AHI1: variants seen among roughly 807,000 people sequenced by gnomAD.
AHI1 encodes the protein Abelson helper integration site 1.
Under a neutral mutation model 149.3 loss-of-function variants are expected in AHI1, and 123 were observed. The observed-to-expected ratio is 0.82, with a 90% confidence interval of 0.71 to 0.96. The LOEUF (loss-of-function observed/expected upper bound fraction) is 0.96, where lower values mean the gene tolerates loss of function less well. AHI1 is among the 40% of genes least tolerant of loss of function. AHI1 has a pLI of 0.00. For synonymous variants in AHI1, 475 were observed against 459.8 expected (o/e 1.03, Z -0.42); for missense variants, 1,439 against 1,422.7 (o/e 1.01, Z -0.18).
intron 23 of AHI1, among the ~76,000 whole-genome samples, chr6:135,389,307 TAAAAAAAAAAAA>T (rs773530746): frequency 1.0e-5 from 1 of 96,916 alleles, no homozygotes; most frequent in African/African-American, 3.9e-5. Flanking sequence ...AGACTCTGTC[TAAAAAAAAAAAA>T]AAAAAAAAAA....
rs369310904 is a variant in AHI1 at position 135,419,661 on chromosome 6, A to G, written c.2764+7506T>C. 7.9e-5 allele frequency among the ~76,000 whole-genome samples: 12 copies of G among 152,204 alleles called. 1 individual carries two copies. The highest frequency in any genetic ancestry group is 1.9e-4 in the East Asian group (1 of 5,142). On this transcript the variant is annotated intron_variant, in intron 20 of 28. Transcript: ENST00000265602. Reference sequence around the variant, plus strand: ...CAATCATCTATGTCTTCAGTTAATCATAATCTTTTTGCTGATGGAAGGTCT... The same window carrying G: ...CAATCATCTATGTCTTCAGTTAATCGTAATCTTTTTGCTGATGGAAGGTCT...
chr6:135,386,931 T>C (rs543570939), intron 23 of AHI1, among the ~76,000 whole-genome samples: 11 of 151,674 alleles, frequency 7.3e-5, no homozygotes, highest in African/African-American at 2.2e-4. Flanking sequence ...CTGGCCTTTT[T>C]TCTTTTTTCT....
chr6:135,473,798 G>A (rs1792146850), intron 5 of AHI1, among the ~76,000 whole-genome samples: 1 of 152,052 alleles, frequency 6.6e-6, no homozygotes. Flanking sequence ...TACTGGTATA[G>A]AAATACAATT....
intron 24 of AHI1, among the ~76,000 whole-genome samples, chr6:135,325,056 T>C (rs1787444068): frequency 6.6e-6 from 1 of 150,552 alleles, no homozygotes. Context: ...AGATGGAGTC[T>C]GGCTCTGTCG....
intron 21 of AHI1, among the ~76,000 whole-genome samples, chr6:135,407,109 C>T (rs188665134): frequency 4.8e-4 from 73 of 151,992 alleles, no homozygotes; most frequent in Admixed American, 1.5e-3. Context: ...TCCCAATAAC[C>T]GACAATTATC....
intron 24 of AHI1, among the ~76,000 whole-genome samples, chr6:135,339,510 A>T (rs767014910): frequency 4.1e-4 from 62 of 152,232 alleles, no homozygotes; most frequent in Non-Finnish European, 7.5e-4. Flanking sequence ...ATATAATTTT[A>T]AAAAACAAGT....
chr6:135,326,565 AT>A (rs561143197), intron 24 of AHI1, among the ~76,000 whole-genome samples: 2,649 of 145,914 alleles, frequency 0.018, 65 homozygotes, highest in African/African-American at 0.042. Context: ...CCCACAGGTA[AT>A]TTTTTTTTTT....
At chr6:135,379,315 C>T (rs894255256) in intron 23 of AHI1, among the ~76,000 whole-genome samples, 1 of 152,142 alleles carries the variant, frequency 6.6e-6, no homozygotes, top group African/African-American at 2.4e-5. Flanking sequence ...TCTCTATCTT[C>T]ACTCACATTC....
At chr6:135,473,573 TA>T (rs1320971399) in intron 5 of AHI1, among the ~76,000 whole-genome samples, 2 of 152,156 alleles carry the variant, frequency 1.3e-5, no homozygotes, top group Non-Finnish European at 2.9e-5. Flanking sequence ...TGGCATTGAT[TA>T]GGATTGAATT....
intron 10 of AHI1, among the ~76,000 whole-genome samples, chr6:135,453,858 G>A (rs1788508690): frequency 6.6e-6 from 1 of 151,900 alleles, no homozygotes; most frequent in African/African-American, 2.4e-5. Flanking sequence ...TTTTCTCTTT[G>A]GATGTATGTT....
rs372710626 is a variant in AHI1 at position 135,427,254 on chromosome 6, T to C, written c.2677A>G (p.Ile893Val). Residue 893 changes from isoleucine to valine, a missense_variant, in exon 20 of 29, where the codon ATT (isoleucine) becomes GTT (valine). Coordinates refer to ENST00000265602, the MANE Select transcript of AHI1 (RefSeq NM_001134831.2). ...ATATTTTCAAATGGATGATAAGAAATGTCTCGAATGGGTGACTTGAATGGC... is the reference window on the plus strand; with the variant it reads ...ATATTTTCAAATGGATGATAAGAAACGTCTCGAATGGGTGACTTGAATGGC... ...DLPFKSPIRDISYHPFENMVA... is the reference protein window; with the variant it reads ...DLPFKSPIRDVSYHPFENMVA... 3.1e-6 allele frequency: 5 copies of C among 1,610,562 alleles called. No homozygotes were observed. The highest frequency in any genetic ancestry group is 3.4e-6 in the Non-Finnish European group (4 of 1,177,722).
intron 5 of AHI1, among the ~76,000 whole-genome samples, chr6:135,475,118 T>C (rs1261616770): frequency 6.6e-6 from 1 of 152,244 alleles, no homozygotes; most frequent in Non-Finnish European, 1.5e-5. Context: ...CTATTTCTTT[T>C]TGAGTGAGCT....
At chr6:135,433,311 A>G (rs909697516) in intron 15 of AHI1, 55 bp from the exon 16 acceptor site, 35 of 1,346,310 alleles carry the variant, frequency 2.6e-5, no homozygotes, top group Middle Eastern at 1.9e-4. Context: ...GTTTCTTTTA[A>G]CAGTTTTTCT....
At chr6:135,467,459 A>G (rs1790953404) in intron 6 of AHI1, 122 bp downstream of exon 6, 2 of 759,136 alleles carry the variant, frequency 2.6e-6, no homozygotes, top group South Asian at 1.7e-5. Context: ...GATAAAAATA[A>G]AAGTTTAACT....
chr6:135,310,671 C>T (rs1199297185), intron 26 of AHI1, among the ~76,000 whole-genome samples: 1 of 152,080 alleles, frequency 6.6e-6, no homozygotes, highest in South Asian at 2.1e-4. Context: ...TCTTGAATAG[C>T]AAAACCAATA....
At chr6:135,293,379 A>G (rs1441877180) in intron 27 of AHI1, among the ~76,000 whole-genome samples, 1 of 133,672 alleles carries the variant, frequency 7.5e-6, no homozygotes, top group African/African-American at 3.0e-5. Flanking sequence ...GGTTCTACCC[A>G]GTGTTAACAG....
In AHI1 at chr6:135,491,430, T is replaced by C. The variant is rs143172455; in HGVS notation, c.11-683A>G. On this transcript the variant is annotated intron_variant, in intron 4 of 28. Transcript: ENST00000265602. ...GAAGCTGTTTCTGAGGCAAGCTTCC[T>C]CTAATTCCTCACCTGGCTGGTGTTA... Among the ~76,000 whole-genome samples the C allele has an allele frequency of 3.0e-3, 455 of 152,296 alleles. 6 individuals carry two copies. Among genetic ancestry groups the C allele is most frequent in the Middle Eastern group, 0.014 (4 of 294 alleles).
intron 24 of AHI1, among the ~76,000 whole-genome samples, chr6:135,340,658 CATATATATATAT>C (rs71006759): frequency 2.4e-4 from 9 of 38,064 alleles, no homozygotes; most frequent in African/African-American, 9.4e-4. Flanking sequence ...TACATACATA[CATATATATATAT>C]ATATATATAT....
chr6:135,341,341 T>A (rs964345038), intron 24 of AHI1, among the ~76,000 whole-genome samples: 16 of 151,790 alleles, frequency 1.1e-4, no homozygotes, highest in African/African-American at 3.9e-4. Context: ...AGACAAAAAC[T>A]CACTCACTAG....
Sources: gnomAD v4.1 joint callset for allele counts (sites outside exome capture counted in the v4.1 genomes callset) on GRCh38, gnomAD v4.1.1 for gene constraint, MANE v1.5 for transcripts, NCBI Gene and HGNC (gene_info 2026-07-23, HGNC 2026-07-21) for gene names.